Variants in AMMECR1 observed in about 807,000 individuals in gnomAD.
AMMECR1 encodes the protein AMMECR nuclear protein 1.
Under a neutral mutation model 22.5 loss-of-function variants are expected in AMMECR1, and 3 were observed. That is an observed-to-expected ratio of 0.13 (90% CI 0.06 to 0.35). AMMECR1 has a LOEUF of 0.35. Ranked by LOEUF, AMMECR1 falls within the 10% of genes least tolerant of loss-of-function variation. AMMECR1 has a pLI of 1.00. For synonymous variants in AMMECR1, 130 were observed against 116.7 expected (o/e 1.11, Z -0.74); for missense variants, 235 against 278.7 (o/e 0.84, Z 1.12).
chrX:110,429,458 G>GTTTTTTTTTTTTTTTTTTTTTT (rs554736940), intron 1 of AMMECR1, among the ~76,000 whole-genome samples: 1 of 80,934 alleles, frequency 1.2e-5, no homozygotes. Context: ...GAGAAAAAGT[G>GTTTTTTTTTTTTTTTTTTTTTT]TTTTTTTTTT....
At chrX:110,259,812 C>T (rs2067730520) in intron 2 of AMMECR1, among the ~76,000 whole-genome samples, 1 of 110,124 alleles carries the variant, frequency 9.1e-6, no homozygotes, top group Non-Finnish European at 1.9e-5. Flanking sequence ...AGGATGGTCT[C>T]GATCTCCTGA....
intron 1 of AMMECR1, among the ~76,000 whole-genome samples, chrX:110,436,837 G>T (rs763939352): frequency 1.8e-5 from 2 of 112,157 alleles, no homozygotes; most frequent in South Asian, 7.5e-4. Context: ...CTGAGGAGCT[G>T]AGAGTCACAG....
intron 2 of AMMECR1, among the ~76,000 whole-genome samples, chrX:110,354,093 C>T (rs1300201027): frequency 2.7e-5 from 3 of 111,800 alleles, no homozygotes; most frequent in Non-Finnish European, 5.6e-5. Flanking sequence ...TCCATACCAC[C>T]CAAAGTGATC....
rs1453532929 is a variant in AMMECR1, at chrX:110,317,852, G to A, written c.220C>T (p.Gln74Ter). 1 of 1,173,574 alleles carries A rather than the reference G, an allele frequency of 8.5e-7. No individual in the cohort carries two copies. The highest frequency in any genetic ancestry group is 1.1e-6 in the Non-Finnish European group (1 of 876,116). Residue 74 changes from glutamine (Q) to a stop codon, truncating the protein, a stop_gained, in exon 1 of 6, where the codon CAG becomes TAG. Coordinates refer to ENST00000262844, the MANE Select transcript of AMMECR1 (RefSeq NM_015365.3). LOFTEE classifies it high-confidence loss of function. ...SGSGCTLSPP[Q>*]GCGGGGGGIA... ...CCCCCGCCGCCGCCGCCGCAGCCCT[G>A]GGGGGGAGAGAGGGTACAGCCGCTG...
chrX:110,406,064 C>T (rs775671263), intron 2 of AMMECR1, among the ~76,000 whole-genome samples: 69 of 110,556 alleles, frequency 6.2e-4, no homozygotes, highest in Non-Finnish European at 9.3e-4. Context: ...CCTCCACCCC[C>T]GACTCCCCAA....
chrX:110,389,742 G>A (rs2068482081), intron 2 of AMMECR1, among the ~76,000 whole-genome samples: 1 of 110,565 alleles, frequency 9.0e-6, no homozygotes, highest in Admixed American at 9.7e-5. Flanking sequence ...GGGAGAAAAG[G>A]AAGAAGAGAG....
At chrX:110,381,144 G>A (rs1365116598) in intron 2 of AMMECR1, among the ~76,000 whole-genome samples, 1 of 111,370 alleles carries the variant, frequency 9.0e-6, no homozygotes, top group Non-Finnish European at 1.9e-5. Context: ...ATATCGACAG[G>A]CACCCTACAG....
chrX:110,282,782 A>G (rs2067859119), intron 1 of AMMECR1, among the ~76,000 whole-genome samples: 1 of 111,756 alleles, frequency 8.9e-6, no homozygotes, highest in Admixed American at 9.6e-5. Flanking sequence ...GGGCTTTAAG[A>G]ACATCAAGGA....
chrX:110,229,676 G>A (rs762846972), intron 2 of AMMECR1, among the ~76,000 whole-genome samples: 17 of 112,264 alleles, frequency 1.5e-4, no homozygotes, highest in South Asian at 3.7e-4. Flanking sequence ...AACAGCCCAC[G>A]GAGGGCGAGC....
chrX:110,344,318 C>T, intron 2 of AMMECR1, among the ~76,000 whole-genome samples: 1 of 112,214 alleles, frequency 8.9e-6, no homozygotes, highest in South Asian at 3.7e-4. Flanking sequence ...TGGATCCTTT[C>T]CTTACACCTT....
At chrX:110,292,932 T>C (rs1389178619) in intron 1 of AMMECR1, among the ~76,000 whole-genome samples, 2 of 112,031 alleles carry the variant, frequency 1.8e-5, no homozygotes, top group African/African-American at 3.2e-5. Context: ...AGGCTATATA[T>C]ATGTGCGAGC....
At chrX:110,435,241 C>T (rs771302733) in intron 1 of AMMECR1, among the ~76,000 whole-genome samples, 1 of 111,347 alleles carries the variant, frequency 9.0e-6, no homozygotes, top group Non-Finnish European at 1.9e-5. Context: ...GAAGCAAGGA[C>T]AGGACAGTCA....
At chrX:110,346,677 G>C (rs763650670) in intron 2 of AMMECR1, 6 of 625,619 alleles carry the variant, frequency 9.6e-6, no homozygotes, top group Non-Finnish European at 1.7e-5. Flanking sequence ...GAAGTGGTTT[G>C]GGAAACCTTT....
intron 2 of AMMECR1, among the ~76,000 whole-genome samples, chrX:110,415,571 G>C (rs1382569731): frequency 9.0e-6 from 1 of 111,434 alleles, no homozygotes; most frequent in Non-Finnish European, 1.9e-5. Context: ...CTGGGTTCTG[G>C]GTGCTGTGGG....
At chrX:110,436,788 G>A (rs2068842047) in intron 1 of AMMECR1, among the ~76,000 whole-genome samples, 1 of 112,104 alleles carries the variant, frequency 8.9e-6, no homozygotes, top group Non-Finnish European at 1.9e-5. Flanking sequence ...GGTAGAGAGT[G>A]GGGCTGTTGG....
intron 2 of AMMECR1, among the ~76,000 whole-genome samples, chrX:110,400,687 T>C (rs2068558487): frequency 8.9e-6 from 1 of 112,129 alleles, no homozygotes; most frequent in Admixed American, 9.5e-5. Context: ...CTGTGAAGCT[T>C]TCTCAGTGCC....
In AMMECR1 at chrX:110,197,644, C is replaced by T. The variant is rs1056783290; in HGVS notation, c.*876G>A. 1.6e-4 allele frequency: 18 copies of T among 111,842 alleles called. No individual in the cohort carries two copies. The highest frequency in any genetic ancestry group is 5.6e-5 in the Non-Finnish European group (3 of 53,106). The allele number at this position is 111,842 out of a possible 1,213,427, so 9.2% of individuals were successfully genotyped here. Reference sequence around the variant, plus strand: ...CTTAATTCCACTTAATTATATTCTTCTCAAAGGCACTAAATTCTGTATCTG... The same window carrying T: ...CTTAATTCCACTTAATTATATTCTTTTCAAAGGCACTAAATTCTGTATCTG... On this transcript the variant is annotated 3_prime_UTR_variant, in exon 6 of 6. Transcript: ENST00000262844.
chrX:110,252,758 T>C (rs1437132389), intron 2 of AMMECR1, among the ~76,000 whole-genome samples: 1 of 112,659 alleles, frequency 8.9e-6, no homozygotes, highest in Non-Finnish European at 1.9e-5. Context: ...CGTACTGTTG[T>C]AGGCTTTGAG....
chrX:110,225,677 G>A (rs893118448), intron 2 of AMMECR1, among the ~76,000 whole-genome samples: 19 of 112,190 alleles, frequency 1.7e-4, no homozygotes, highest in African/African-American at 5.5e-4. Flanking sequence ...TCCTTTAAGC[G>A]TTACATTGGT....
Sources: allele counts gnomAD v4.1 joint callset (sites outside exome capture counted in the v4.1 genomes callset), GRCh38; gene constraint gnomAD v4.1.1; transcripts MANE v1.5; gene names NCBI Gene and HGNC (gene_info 2026-07-23, HGNC 2026-07-21).